The following KIF4A variants were observed in gnomAD, a reference collection of about 807,000 sequenced individuals.
KIF4A encodes the protein chromosome-associated kinesin KIF4A.
Under a neutral mutation model 105.9 loss-of-function variants are expected in KIF4A, and 7 were observed. The observed-to-expected ratio is 0.07, with a 90% CI of 0.04 to 0.12. The LOEUF is 0.12. Among genes scored for constraint, KIF4A ranks in the 10% least tolerant of loss-of-function variants. The pLI is 1.00. For missense variants in KIF4A, 558 were observed against 929.2 expected (o/e 0.60, Z 5.19); for synonymous variants, 281 against 331.3 (o/e 0.85, Z 1.65).
At position 70,419,983 on chromosome X, in the gene KIF4A, G is replaced by A. The variant is rs1012088150; in HGVS notation, c.3496-79G>A. The A allele has an allele frequency of 3.9e-6, 4 of 1,033,215 alleles. No individual in the cohort carries two copies. In the South Asian group the frequency reaches 6.4e-5, roughly 17 times the overall value. The allele number at this position is 1,033,215 out of a possible 1,213,427, so 85.1% of individuals were successfully genotyped here. ...CACTTCATACTACTGGGAGTATGTC[G>A]AGCATCTATAGCAGCTCGGCTGGGC... is the stretch of plus-strand genomic sequence containing the variant. On this transcript the variant is annotated intron_variant, in intron 30 of 30. Coordinates refer to ENST00000374403, the MANE Select transcript of KIF4A (RefSeq NM_012310.5).
chrX:70,377,966 G>A (rs1020106582), intron 18 of KIF4A, among the ~76,000 whole-genome samples: 4 of 111,873 alleles, frequency 3.6e-5, no homozygotes, highest in Non-Finnish European at 7.5e-5. Flanking sequence ...TACAAAATCT[G>A]TTCTCTAACC....
At chrX:70,377,863 G>C (rs1347638169) in intron 18 of KIF4A, among the ~76,000 whole-genome samples, 2 of 112,582 alleles carry the variant, frequency 1.8e-5, no homozygotes, top group African/African-American at 3.2e-5. Context: ...GAACTTGGGA[G>C]ATGGAGGTTG....
intron 22 of KIF4A, among the ~76,000 whole-genome samples, 161 bp from the exon 23 acceptor site, chrX:70,402,405 G>A (rs1602808106): frequency 1.8e-5 from 2 of 112,360 alleles, no homozygotes; most frequent in Non-Finnish European, 3.8e-5. Flanking sequence ...CAAGATTTGC[G>A]ATACTATGTA....
chrX:70,374,387 A>G (rs1165467285), intron 16 of KIF4A, 133 bp downstream of exon 16: 5 of 411,905 alleles, frequency 1.2e-5, no homozygotes, highest in Admixed American at 4.7e-5. Flanking sequence ...AAACCTAAAC[A>G]CAAAAAATGG....
intron 10 of KIF4A, among the ~76,000 whole-genome samples, chrX:70,340,412 A>G (rs960577140): frequency 8.9e-6 from 1 of 112,212 alleles, no homozygotes; most frequent in African/African-American, 3.2e-5. Flanking sequence ...TTAAACTTAA[A>G]TATGATTTTC....
In KIF4A at chrX:70,390,384, G is replaced by T. The variant is rs2086233451; in HGVS notation, c.2232+3087G>T. Among the ~76,000 whole-genome samples the T allele has an allele frequency of 2.7e-5, 3 of 112,026 alleles. No homozygotes were observed. In the Admixed American group the frequency reaches 2.9e-4, roughly 11 times the overall value. On this transcript the variant is annotated intron_variant, in intron 20 of 30. Coordinates refer to ENST00000374403, the MANE Select transcript of KIF4A (RefSeq NM_012310.5). ...CTTGCTTTGTTCCCAGTCTTGGGCA[G>T]AAAGCATTCAGTTTTTCACCGTAAA...
intron 10 of KIF4A, among the ~76,000 whole-genome samples, chrX:70,338,189 A>G (rs2085958271): frequency 9.0e-6 from 1 of 111,649 alleles, no homozygotes; most frequent in Admixed American, 9.5e-5. Flanking sequence ...AAATTCAGTC[A>G]TTTTATGTGT....
intron 28 of KIF4A, among the ~76,000 whole-genome samples, 174 bp from the exon 29 acceptor site, chrX:70,417,714 G>A (rs1002483215): frequency 2.7e-5 from 3 of 112,281 alleles, no homozygotes; most frequent in Non-Finnish European, 5.6e-5. Context: ...AACCTATGAC[G>A]GTTCTTGGTG....
intron 7 of KIF4A, among the ~76,000 whole-genome samples, chrX:70,319,715 A>G (rs1190815778): frequency 8.9e-6 from 1 of 112,852 alleles, no homozygotes; most frequent in Non-Finnish European, 1.9e-5. Flanking sequence ...TAGACCTACC[A>G]TAAATGTATA....
At chrX:70,291,296 A>T (rs1228770571) in intron 3 of KIF4A, among the ~76,000 whole-genome samples, 1 of 112,126 alleles carries the variant, frequency 8.9e-6, no homozygotes, top group East Asian at 2.8e-4. Flanking sequence ...AGTTAAAAAT[A>T]TACAACAGAG....
intron 18 of KIF4A, among the ~76,000 whole-genome samples, chrX:70,376,942 G>T (rs1403217469): frequency 8.9e-6 from 1 of 111,817 alleles, no homozygotes; most frequent in East Asian, 2.8e-4. Flanking sequence ...TAATCCAGAA[G>T]AATTATAAGG....
intron 15 of KIF4A, among the ~76,000 whole-genome samples, chrX:70,369,153 T>C (rs2086118968): frequency 8.9e-6 from 1 of 112,308 alleles, no homozygotes; most frequent in Non-Finnish European, 1.9e-5. Context: ...CTGTCACCCC[T>C]TTCCTTGGCT....
intron 10 of KIF4A, among the ~76,000 whole-genome samples, chrX:70,334,983 G>C (rs61237485): frequency 8.9e-6 from 1 of 111,781 alleles, no homozygotes; most frequent in Non-Finnish European, 1.9e-5. Context: ...AAAACAGCAT[G>C]GAGGTTCCTA....
chrX:70,394,259 A>G (rs2086251025), intron 20 of KIF4A, among the ~76,000 whole-genome samples: 1 of 107,845 alleles, frequency 9.3e-6, no homozygotes, highest in South Asian at 4.1e-4. Flanking sequence ...GCTGGAGTGC[A>G]GTGGCGTGAC....
At chrX:70,411,274 G>A (rs1342834449) in intron 28 of KIF4A, among the ~76,000 whole-genome samples, 1 of 107,873 alleles carries the variant, frequency 9.3e-6, no homozygotes, top group Non-Finnish European at 1.9e-5. Context: ...CTCAGTGACC[G>A]AGCAAGACCC....
chrX:70,392,775 A>G (rs1252867713), intron 20 of KIF4A, among the ~76,000 whole-genome samples: 4 of 108,292 alleles, frequency 3.7e-5, no homozygotes, highest in Non-Finnish European at 7.6e-5. Context: ...TATGTTATAT[A>G]TATTTTACCA....
At chrX:70,299,062 A>G in intron 4 of KIF4A, 51 bp from the exon 5 acceptor site, 1 of 1,000,182 alleles carries the variant, frequency 1.0e-6, no homozygotes, top group Non-Finnish European at 1.4e-6. Flanking sequence ...CCACCCAGAG[A>G]TTACCACTGT....
intron 18 of KIF4A, among the ~76,000 whole-genome samples, chrX:70,376,987 A>AT (rs2086177692): frequency 1.8e-5 from 2 of 112,022 alleles, no homozygotes; most frequent in Admixed American, 1.9e-4. Context: ...AGCCCCCAGA[A>AT]TATATGAAGC....
rs150302089 is a variant in KIF4A, at chrX:70,395,975, G to A, written c.2415G>A (p.Val805=). Residue 805 remains valine (V), a synonymous_variant, in exon 22 of 31, where the codon GTG becomes GTA. Coordinates refer to ENST00000374403, the MANE Select transcript of KIF4A (RefSeq NM_012310.5). Reference sequence around the variant, plus strand: ...GGCGTACATTCTCCCTTACTGAAGTGCGTGGTCAAGTTTCGGAGTCAGAAG... The same window carrying A: ...GGCGTACATTCTCCCTTACTGAAGTACGTGGTCAAGTTTCGGAGTCAGAAG... The part of the protein sequence containing the change: ...LRRRTFSLTE[V]RGQVSESEDS... 3.4e-4 allele frequency: 415 copies of A among 1,207,622 alleles called. 3 individuals carry two copies. The African/African-American group carries it at 6.2e-3, about 18-fold the overall frequency.
Sources: gnomAD v4.1 joint callset for allele counts (sites outside exome capture counted in the v4.1 genomes callset) on GRCh38, gnomAD v4.1.1 for gene constraint, MANE v1.5 for transcripts, NCBI Gene and HGNC (gene_info 2026-07-23, HGNC 2026-07-21) for gene names.